Variants in NCAM2 observed in about 807,000 individuals in gnomAD.
NCAM2 encodes N-CAM-2.
A neutral mutation model predicts 98.1 loss-of-function variants in NCAM2; 30 were observed. The ratio of observed to expected loss-of-function variants is 0.31; its 90% CI spans 0.23 to 0.41. The LOEUF is 0.41. Among genes scored for constraint, NCAM2 ranks in the 10% least tolerant of loss-of-function variants. The pLI is 1.00. For synonymous variants in NCAM2, 368 were observed against 342.4 expected, an observed-to-expected ratio of 1.07 and a Z score of -0.83; for missense variants, 867 against 1,005.8, an observed-to-expected ratio of 0.86 and a Z score of 1.87.
chr21:21,343,578 G>A (rs908860080), intron 8 of NCAM2, among the ~76,000 whole-genome samples: 2 of 152,112 alleles, frequency 1.3e-5, no homozygotes, highest in Admixed American at 6.6e-5. Context: ...GGAGGAGAGA[G>A]AACATAGCAA....
chr21:21,321,070 C>T (rs1313172443), intron 5 of NCAM2, among the ~76,000 whole-genome samples: 1 of 152,132 alleles, frequency 6.6e-6, no homozygotes, highest in Non-Finnish European at 1.5e-5. Flanking sequence ...TGTTAATCTG[C>T]TCTATCTATT....
At chr21:21,009,481 T>C (rs1026755942) in intron 1 of NCAM2, among the ~76,000 whole-genome samples, 1 of 152,050 alleles carries the variant, frequency 6.6e-6, no homozygotes, top group Non-Finnish European at 1.5e-5. Flanking sequence ...TTCTGTAAGA[T>C]TTGTTCTTTT....
At chr21:21,200,555 G>T (rs1054295902) in intron 1 of NCAM2, among the ~76,000 whole-genome samples, 2 of 151,914 alleles carry the variant, frequency 1.3e-5, no homozygotes, top group African/African-American at 4.8e-5. Flanking sequence ...TAAAGCCTTA[G>T]AACTTTCTGG....
intron 8 of NCAM2, among the ~76,000 whole-genome samples, chr21:21,339,999 G>C (rs1338954811): frequency 1.3e-5 from 2 of 151,644 alleles, no homozygotes; most frequent in African/African-American, 4.8e-5. Flanking sequence ...AAAAGTTATA[G>C]TTTGCTTTAG....
At chr21:21,348,964 A>G (rs923832260) in intron 8 of NCAM2, among the ~76,000 whole-genome samples, 22 of 152,188 alleles carry the variant, frequency 1.4e-4, no homozygotes, top group African/African-American at 4.8e-4. Context: ...TAAATCTAAG[A>G]CCTCAACTTA....
At chr21:21,050,768 C>A (rs1037525607) in intron 1 of NCAM2, among the ~76,000 whole-genome samples, 1 of 152,138 alleles carries the variant, frequency 6.6e-6, no homozygotes. Flanking sequence ...TGCCTATACG[C>A]CTGCGTGATT....
intron 8 of NCAM2, among the ~76,000 whole-genome samples, chr21:21,342,939 G>A (rs894973676): frequency 1.3e-5 from 2 of 152,176 alleles, no homozygotes; most frequent in African/African-American, 4.8e-5. Flanking sequence ...GGCAGTGGCA[G>A]GATTTGAACT....
At chr21:21,271,442 A>T (rs2072494705) in intron 1 of NCAM2, among the ~76,000 whole-genome samples, 1 of 152,232 alleles carries the variant, frequency 6.6e-6, no homozygotes, top group Admixed American at 6.5e-5. Context: ...TTTCAGTTTT[A>T]GATTAATTTT....
At chr21:21,089,031 A>G (rs954243222) in intron 1 of NCAM2, among the ~76,000 whole-genome samples, 1 of 151,132 alleles carries the variant, frequency 6.6e-6, no homozygotes, top group Non-Finnish European at 1.5e-5. Flanking sequence ...TTCAGGGATC[A>G]TAGGTTTACA....
At chr21:21,429,514 C>T (rs2077284146) in intron 11 of NCAM2, among the ~76,000 whole-genome samples, 1 of 152,112 alleles carries the variant, frequency 6.6e-6, no homozygotes, top group East Asian at 1.9e-4. Context: ...CCACTCAGCA[C>T]AGATTGAAGA....
intron 15 of NCAM2, among the ~76,000 whole-genome samples, chr21:21,486,931 A>G (rs957587184): frequency 6.6e-6 from 1 of 151,570 alleles, no homozygotes; most frequent in Non-Finnish European, 1.5e-5. Context: ...TTAGTCCTAA[A>G]CTTTATAAGC....
In NCAM2 at chr21:21,542,231, A is replaced by G. The variant is rs1990259125; in HGVS notation, c.*4274A>G. 6.6e-6 allele frequency: 1 copy of G among 151,814 alleles called. No homozygotes were observed. Among genetic ancestry groups the G allele is most frequent in the South Asian group, 2.1e-4 (1 of 4,836 alleles). The allele number at this position is 151,814 out of a possible 1,614,324, so 9.4% of individuals were successfully genotyped here. A position where few individuals can be genotyped will look rare whatever the true frequency, so the allele number is the denominator to read the frequency against. On this transcript the variant is annotated 3_prime_UTR_variant, in exon 18 of 18. Transcript: ENST00000400546. ...CCAGCTCCCATCCTTCCTTTTTGAA[A>G]AATTGAATTTACCCATGTAGATGCA...
chr21:21,033,482 C>T (rs888597394), intron 1 of NCAM2, among the ~76,000 whole-genome samples: 74 of 152,054 alleles, frequency 4.9e-4, no homozygotes, highest in Admixed American at 4.3e-3. Context: ...AGATGGTGGA[C>T]GCTTAAATAT....
chr21:21,179,945 G>C (rs766319634), intron 1 of NCAM2, among the ~76,000 whole-genome samples: 4 of 152,202 alleles, frequency 2.6e-5, no homozygotes, highest in Non-Finnish European at 5.9e-5. Context: ...TTGGTTGATT[G>C]AAAATTCTCT....
intron 1 of NCAM2, among the ~76,000 whole-genome samples, chr21:21,153,189 A>G (rs1017139789): frequency 6.9e-6 from 1 of 145,120 alleles, no homozygotes; most frequent in Non-Finnish European, 1.5e-5. Context: ...TTTTTTTTGT[A>G]ATAATGTATT....
intron 16 of NCAM2, among the ~76,000 whole-genome samples, chr21:21,522,634 T>TTC (rs1555911603): frequency 8.9e-5 from 13 of 145,378 alleles, no homozygotes; most frequent in African/African-American, 3.0e-4. Context: ...TTCTTTTTCT[T>TTC]TTTTTTTTTT....
chr21:21,234,471 G>A (rs1002150688), intron 1 of NCAM2, among the ~76,000 whole-genome samples: 1 of 151,866 alleles, frequency 6.6e-6, no homozygotes, highest in Non-Finnish European at 1.5e-5. Context: ...GCATAGGAAA[G>A]AATTTAAATT....
intron 1 of NCAM2, among the ~76,000 whole-genome samples, chr21:21,028,870 T>G (rs1342286875): frequency 6.6e-6 from 1 of 152,236 alleles, no homozygotes; most frequent in East Asian, 1.9e-4. Flanking sequence ...TGTTTAATAT[T>G]ATAATAAACA....
At chr21:21,478,373 TTATTA>T (rs1412109279) in intron 15 of NCAM2, among the ~76,000 whole-genome samples, 1 of 152,000 alleles carries the variant, frequency 6.6e-6, no homozygotes, top group Non-Finnish European at 1.5e-5. Context: ...TTTATTTGTC[TTATTA>T]TATTAGAGTA....
Sources: allele counts gnomAD v4.1 joint callset (sites outside exome capture counted in the v4.1 genomes callset), GRCh38; gene constraint gnomAD v4.1.1; transcripts MANE v1.5; gene names NCBI Gene and HGNC (gene_info 2026-07-23, HGNC 2026-07-21).